SLCO3A1: variants seen among roughly 807,000 people sequenced by gnomAD.
SLCO3A1 encodes the protein solute carrier organic anion transporter family member 3A1, also known as PGE1 transporter.
SLCO3A1 carries 27 observed loss-of-function variants against 63.1 expected under a neutral mutation model. The ratio of observed to expected loss-of-function variants is 0.43; its 90% CI spans 0.32 to 0.59. The LOEUF is 0.59. Among genes scored for constraint, SLCO3A1 ranks in the 20% least tolerant of loss-of-function variants. The pLI is 0.09. For missense variants in SLCO3A1, 773 were observed against 945.8 expected (o/e 0.82, Z 2.40); for synonymous variants, 473 against 409.9 (o/e 1.15, Z -1.86).
chr15:92,135,157 A>C (rs1044111234), intron 7 of SLCO3A1, among the ~76,000 whole-genome samples: 4 of 152,138 alleles, frequency 2.6e-5, no homozygotes, highest in African/African-American at 9.7e-5. Context: ...TGGAGTTGGA[A>C]GAGAGAAAGC....
intron 8 of SLCO3A1, chr15:92,149,716 A>G (rs2215084): frequency 0.5 from 75,390 of 152,058 alleles, 19,555 homozygotes; most frequent in African/African-American, 0.64. Flanking sequence ...ATAGGAAGCA[A>G]TTTCCCAACA....
At chr15:92,136,283 A>G (rs1024995087) in intron 7 of SLCO3A1, among the ~76,000 whole-genome samples, 1 of 152,174 alleles carries the variant, frequency 6.6e-6, no homozygotes, top group Non-Finnish European at 1.5e-5. Context: ...TCCACCTTGA[A>G]CTTCGCTTCC....
chr15:91,933,769 G>C (rs749391959), intron 2 of SLCO3A1, among the ~76,000 whole-genome samples: 2 of 152,202 alleles, frequency 1.3e-5, no homozygotes, highest in Admixed American at 6.5e-5. Flanking sequence ...GCACAGAGAG[G>C]TTGGGTAACT....
At chr15:91,927,942 A>T (rs574420824) in intron 2 of SLCO3A1, among the ~76,000 whole-genome samples, 70 of 152,338 alleles carry the variant, frequency 4.6e-4, no homozygotes, top group Non-Finnish European at 8.2e-4. Flanking sequence ...CATTTGTATC[A>T]TGGGGCAAAG....
At chr15:92,011,050 A>C (rs2046363338) in intron 2 of SLCO3A1, among the ~76,000 whole-genome samples, 2 of 152,154 alleles carry the variant, frequency 1.3e-5, no homozygotes, top group Admixed American at 6.5e-5. Context: ...AAATACCAGA[A>C]TCCTCACAAT....
chr15:91,991,993 T>C (rs2046131938), intron 2 of SLCO3A1, among the ~76,000 whole-genome samples: 1 of 151,918 alleles, frequency 6.6e-6, no homozygotes, highest in Non-Finnish European at 1.5e-5. Context: ...GGCACCAGAG[T>C]GATAATTGAT....
At position 91,854,135 on chromosome 15, in the gene SLCO3A1, C is replaced by T. The variant is rs748249757; in HGVS notation, c.180+47C>T. On this transcript the variant is annotated intron_variant, in intron 1 of 9. Coordinates refer to ENST00000318445, the MANE Select transcript of SLCO3A1 (RefSeq NM_013272.4). The surrounding 1 kb of genome is among the most constrained non-coding windows in gnomAD (Gnocchi z 6.4). ...GCCGCGGGCCCCTTCCCCAGCCCGGCTCTCGAGCGGCCGCCTGGCCCGACG... is the reference window on the plus strand; with the variant it reads ...GCCGCGGGCCCCTTCCCCAGCCCGGTTCTCGAGCGGCCGCCTGGCCCGACG... 7.3e-7 allele frequency: 1 copy of T among 1,366,342 alleles called. No individual in the cohort carries two copies. Among genetic ancestry groups the T allele is most frequent in the Non-Finnish European group, 9.5e-7 (1 of 1,050,016 alleles). The allele number at this position is 1,366,342 out of a possible 1,614,324, so 84.6% of individuals were successfully genotyped here. A position where few individuals can be genotyped will look rare whatever the true frequency, so the allele number is the denominator to read the frequency against.
At chr15:91,957,114 A>ATATTATATATATAATATATAGTAT (rs1900256923) in intron 2 of SLCO3A1, among the ~76,000 whole-genome samples, 2 of 30,402 alleles carry the variant, frequency 6.6e-5, no homozygotes, top group African/African-American at 5.5e-4. Context: ...ATATATATAT[A>ATATTATATATATAATATATAGTAT]TAATATATAT....
chr15:91,888,298 G>A (rs561357488), intron 1 of SLCO3A1, among the ~76,000 whole-genome samples: 4 of 152,238 alleles, frequency 2.6e-5, no homozygotes, highest in South Asian at 4.2e-4. Context: ...CTGGCCCGTC[G>A]AATCAGTATG....
intron 4 of SLCO3A1, among the ~76,000 whole-genome samples, chr15:92,106,338 C>T (rs1176216279): frequency 6.6e-6 from 1 of 152,154 alleles, no homozygotes; most frequent in Admixed American, 6.5e-5. Context: ...TGCCCCCGTC[C>T]TCATGCACGT....
At chr15:91,975,792 G>T (rs1243778887) in intron 2 of SLCO3A1, among the ~76,000 whole-genome samples, 5 of 152,212 alleles carry the variant, frequency 3.3e-5, no homozygotes, top group African/African-American at 1.2e-4. Context: ...TCCAAGGCAG[G>T]CAAGAGGAGC....
chr15:92,162,804 G>A lies in SLCO3A1; in HGVS notation c.1802G>A (p.Cys601Tyr). The A allele has an allele frequency of 6.2e-7, 1 of 1,614,126 alleles. No individual in the cohort carries two copies. The change falls in exon 10 of 10, where the codon TGC (cysteine) becomes TAC (tyrosine). Residue 601 changes from cysteine (C) to tyrosine (Y), a missense_variant. This residue lies in a region of SLCO3A1 where 565 missense variants were observed against 749.8 expected (regional missense o/e 0.75). Coordinates refer to ENST00000318445, the MANE Select transcript of SLCO3A1 (RefSeq NM_013272.4). Reference protein sequence around the residue: ...LIFGAGIDSTCLFWSTFCGEQ... With the variant: ...LIFGAGIDSTYLFWSTFCGEQ... The stretch of plus-strand genomic sequence containing the variant: ...TTCGGGGCTGGCATCGACTCCACCT[G>A]CCTGTTCTGGAGCACGTTCTGTGGG...
intron 2 of SLCO3A1, among the ~76,000 whole-genome samples, chr15:91,924,184 G>A (rs1898937990): frequency 6.6e-6 from 1 of 152,212 alleles, no homozygotes; most frequent in African/African-American, 2.4e-5. Context: ...CTGAAGGGGT[G>A]CAGCTGATGA....
intron 3 of SLCO3A1, among the ~76,000 whole-genome samples, chr15:92,099,218 A>G (rs1303136176): frequency 6.6e-6 from 1 of 152,242 alleles, no homozygotes; most frequent in African/African-American, 2.4e-5. Context: ...CAACAGACTG[A>G]GAGCCTCCTG....
intron 2 of SLCO3A1, among the ~76,000 whole-genome samples, chr15:92,089,772 T>G (rs1212511586): frequency 1.3e-5 from 2 of 152,190 alleles, no homozygotes; most frequent in Non-Finnish European, 2.9e-5. Context: ...GGTCGTTTTC[T>G]TAAGGAATTT....
Position 92,132,210 on chromosome 15 carries a change from G to A in SLCO3A1, c.1512+3721G>A, listed in dbSNP as rs918805837. On this transcript the variant is annotated intron_variant, in intron 7 of 9. Coordinates refer to ENST00000318445, the MANE Select transcript of SLCO3A1 (RefSeq NM_013272.4). The stretch of plus-strand genomic sequence containing the variant: ...ACCACTTTATCGTTTCCATCAAGAC[G>A]TGAAAATTCCCCATAACTCAATTAG... 1.1e-4 allele frequency among the ~76,000 whole-genome samples: 16 copies of A among 145,984 alleles called. 3 individuals are homozygous for A. The highest frequency in any genetic ancestry group is 2.0e-4 in the African/African-American group (8 of 40,248).
intron 10 of SLCO3A1, chr15:92,171,646 T>C: frequency 3.0e-6 from 2 of 667,640 alleles, no homozygotes; most frequent in South Asian, 3.7e-5. Flanking sequence ...CAGCACTTTA[T>C]TGCTTTGACT....
At position 92,126,171 on chromosome 15, in the gene SLCO3A1, C is replaced by T; in HGVS notation, c.1285C>T (p.Leu429=). ...CATTCGGATGGCCATGCTCGTCAACCTGGTGTCCACTGCTTGCTACGTCTC... is the reference window on the plus strand; with the variant it reads ...CATTCGGATGGCCATGCTCGTCAACTTGGTGTCCACTGCTTGCTACGTCTC... ...GAIRMAMLVN[L]VSTACYVSFL... is the part of the protein sequence containing the mutation. The change falls in exon 6 of 10, where the codon CTG becomes TTG. Residue 429 remains leucine (L), a synonymous_variant. Transcript: ENST00000318445. 2.5e-6 allele frequency: 4 copies of T among 1,614,036 alleles called. No individual in the cohort carries two copies. Among genetic ancestry groups the T allele is most frequent in the Non-Finnish European group, 2.5e-6 (3 of 1,179,994 alleles).
chr15:91,945,748 G>T (rs946222376), intron 2 of SLCO3A1, among the ~76,000 whole-genome samples: 1 of 152,184 alleles, frequency 6.6e-6, no homozygotes, highest in Non-Finnish European at 1.5e-5. Context: ...AATGTGATCC[G>T]ATGGTGACTG....
Sources: allele counts gnomAD v4.1 joint callset (sites outside exome capture counted in the v4.1 genomes callset), GRCh38; gene constraint gnomAD v4.1.1; regional missense constraint gnomAD v4.1.1; non-coding constraint Gnocchi (gnomAD v3.1); transcripts MANE v1.5; gene names NCBI Gene and HGNC (gene_info 2026-07-23, HGNC 2026-07-21).